Variants in MAP4 observed in about 807,000 individuals in gnomAD.
MAP4 encodes the protein microtubule associated protein 4.
Under a neutral mutation model 170.2 loss-of-function variants are expected in MAP4, and 76 were observed. That is an observed-to-expected ratio of 0.45 (90% CI 0.37 to 0.54). The LOEUF is 0.54. Among genes scored for constraint, MAP4 ranks in the 20% least tolerant of loss-of-function variants. MAP4 has a pLI of 0.00. For synonymous variants in MAP4, 909 were observed against 994.5 expected (o/e 0.91, Z 1.62); for missense variants, 2,506 against 2,748.0 (o/e 0.91, Z 1.97).
chr3:48,047,034 C>G (rs928386154), intron 1 of MAP4, among the ~76,000 whole-genome samples: 1 of 151,776 alleles, frequency 6.6e-6, no homozygotes, highest in Non-Finnish European at 1.5e-5. Context: ...GCGGAGCTTG[C>G]AGTAAGCCGA....
In MAP4 at chr3:47,929,027, T is replaced by A. The variant is rs189927336; in HGVS notation, c.293-677A>T. Among the ~76,000 whole-genome samples the A allele has an allele frequency of 5.9e-4, 90 of 152,300 alleles. 1 individual carries two copies. The highest frequency in any genetic ancestry group is 1.6e-4 in the Non-Finnish European group (11 of 68,026). On this transcript the variant is annotated intron_variant, in intron 3 of 20. Coordinates refer to ENST00000683076, the MANE Select transcript of MAP4 (RefSeq NM_001385682.1). ...TTTTGAAGAAAAACAGTTGAAGGGC[T>A]TACATAACCTGATTTCAAAAGTTAT...
intron 3 of MAP4, among the ~76,000 whole-genome samples, chr3:47,948,392 C>A (rs960255018): frequency 6.6e-6 from 1 of 151,520 alleles, no homozygotes; most frequent in Non-Finnish European, 1.5e-5. Flanking sequence ...TGCCACCATG[C>A]CAGGCTAATT....
intron 1 of MAP4, among the ~76,000 whole-genome samples, chr3:48,007,676 CTT>C (rs35776561): frequency 1.5e-3 from 207 of 140,264 alleles, no homozygotes; most frequent in Admixed American, 1.6e-3. Flanking sequence ...AACTACTCTC[CTT>C]TTTTTTTTTT....
At chr3:47,960,786 C>T (rs2100071096) in intron 3 of MAP4, 1 of 180,712 alleles carries the variant, frequency 5.5e-6, no homozygotes. Flanking sequence ...TTCCAAATGA[C>T]AACTTCTGAG....
intron 3 of MAP4, among the ~76,000 whole-genome samples, chr3:47,947,208 T>A (rs2100060592): frequency 6.6e-6 from 1 of 152,186 alleles, no homozygotes; most frequent in African/African-American, 2.4e-5. Flanking sequence ...TGTCTTTGGT[T>A]CCCTCAGATT....
chr3:48,015,804 C>T (rs1029952789), intron 1 of MAP4, among the ~76,000 whole-genome samples: 1 of 152,170 alleles, frequency 6.6e-6, no homozygotes, highest in African/African-American at 2.4e-5. Flanking sequence ...TACCAACTTA[C>T]ACAGTTCACA....
intron 3 of MAP4, among the ~76,000 whole-genome samples, chr3:47,943,896 TGA>T (rs1395375712): frequency 2.0e-5 from 3 of 152,054 alleles, no homozygotes; most frequent in Non-Finnish European, 4.4e-5. Flanking sequence ...TGGCAGTAGC[TGA>T]GCTGTCAACT....
intron 1 of MAP4, among the ~76,000 whole-genome samples, chr3:48,087,165 G>A (rs1453422231): frequency 6.6e-6 from 1 of 152,156 alleles, no homozygotes; most frequent in African/African-American, 2.4e-5. Flanking sequence ...GTAGTAGTAC[G>A]GATCAGCAAA....
intron 1 of MAP4, among the ~76,000 whole-genome samples, chr3:48,086,108 ATGTGTATG>A (rs1323372514): frequency 4.6e-4 from 70 of 151,936 alleles, no homozygotes; most frequent in African/African-American, 1.7e-3. Context: ...ATATATGTAT[ATGTGTATG>A]TATATATGTA....
chr3:47,956,978 G>A (rs2154141705), intron 3 of MAP4, among the ~76,000 whole-genome samples: 1 of 152,346 alleles, frequency 6.6e-6, no homozygotes, highest in Non-Finnish European at 1.5e-5. Context: ...CTGGTGGCAA[G>A]TTGATTACGC....
At chr3:47,858,991 G>A (rs574993669) in intron 17 of MAP4, among the ~76,000 whole-genome samples, 26 of 152,070 alleles carry the variant, frequency 1.7e-4, no homozygotes, top group Non-Finnish European at 2.5e-4. Context: ...TTAGCCGGGC[G>A]TGGTGGCAGG....
At chr3:48,048,888 A>G (rs1221546059) in intron 1 of MAP4, among the ~76,000 whole-genome samples, 1 of 152,192 alleles carries the variant, frequency 6.6e-6, no homozygotes, top group African/African-American at 2.4e-5. Flanking sequence ...ATCAAGATAC[A>G]GAACTGTTCT....
chr3:48,061,253 G>C (rs2100135082), intron 1 of MAP4, among the ~76,000 whole-genome samples: 1 of 150,060 alleles, frequency 6.7e-6, no homozygotes, highest in Non-Finnish European at 1.5e-5. Context: ...GCCGAAGCTG[G>C]ACTGTACTGC....
intron 10 of MAP4, among the ~76,000 whole-genome samples, chr3:47,896,303 G>A (rs1391324839): frequency 5.9e-5 from 9 of 152,226 alleles, no homozygotes; most frequent in Non-Finnish European, 5.9e-5. Flanking sequence ...GCCGAGGCGG[G>A]AGGATCACCT....
At chr3:47,853,669 G>A (rs2048813096) in intron 19 of MAP4, among the ~76,000 whole-genome samples, 1 of 152,222 alleles carries the variant, frequency 6.6e-6, no homozygotes, top group South Asian at 2.1e-4. Context: ...CAAAGACGTA[G>A]CCATGACAAC....
chr3:47,898,936 A>G (rs1216677214), intron 10 of MAP4, among the ~76,000 whole-genome samples: 1 of 152,124 alleles, frequency 6.6e-6, no homozygotes, highest in Non-Finnish European at 1.5e-5. Flanking sequence ...CTCCAGCCTG[A>G]GCGACAGAGA....
chr3:47,875,455 T>A (rs1338268075), intron 12 of MAP4, among the ~76,000 whole-genome samples: 1 of 152,068 alleles, frequency 6.6e-6, no homozygotes, highest in African/African-American at 2.4e-5. Flanking sequence ...CCCAAATTGA[T>A]TTCCTTTTCT....
chr3:47,908,257 A>T (rs750637225), intron 9 of MAP4, among the ~76,000 whole-genome samples: 2 of 152,182 alleles, frequency 1.3e-5, no homozygotes, highest in Non-Finnish European at 2.9e-5. Flanking sequence ...ATCTTAAAGG[A>T]ATCATCTTCT....
At chr3:48,045,833 G>A (rs1197131108) in intron 1 of MAP4, among the ~76,000 whole-genome samples, 2 of 152,108 alleles carry the variant, frequency 1.3e-5, no homozygotes, top group African/African-American at 2.4e-5. Flanking sequence ...AAGCCACCGC[G>A]CCCGGCTGCA....
Sources: allele counts gnomAD v4.1 joint callset (sites outside exome capture counted in the v4.1 genomes callset), GRCh38; gene constraint gnomAD v4.1.1; transcripts MANE v1.5; gene names NCBI Gene and HGNC (gene_info 2026-07-23, HGNC 2026-07-21).